The following FLVCR2 variants were observed in gnomAD, a reference collection of about 807,000 sequenced individuals.
FLVCR2 encodes the protein FLVCR choline and putative heme transporter 2.
FLVCR2 carries 38 observed loss-of-function variants against 48.9 expected under a neutral mutation model. The observed-to-expected ratio is 0.78, with a 90% CI of 0.60 to 1.02. The LOEUF is 1.02. Ranked by LOEUF, FLVCR2 falls within the 50% of genes least tolerant of loss-of-function variation. The pLI is 0.00. For synonymous variants in FLVCR2, 255 were observed against 257.0 expected (o/e 0.99, Z 0.07); for missense variants, 664 against 663.3 (o/e 1.00, Z -0.01).
chr14:75,605,160 C>T (rs192365328), intron 1 of FLVCR2, among the ~76,000 whole-genome samples: 1 of 152,142 alleles, frequency 6.6e-6, no homozygotes, highest in Non-Finnish European at 1.5e-5. Context: ...ACTTGAACTC[C>T]CCCCAAGCCT....
chr14:75,637,469 G>A (rs1890193023), intron 5 of FLVCR2, among the ~76,000 whole-genome samples: 1 of 152,130 alleles, frequency 6.6e-6, no homozygotes, highest in Admixed American at 6.5e-5. Flanking sequence ...GCTCACGCCT[G>A]TAATCCCAGC....
intron 1 of FLVCR2, among the ~76,000 whole-genome samples, chr14:75,609,413 G>A (rs1418567974): frequency 1.3e-5 from 2 of 152,194 alleles, no homozygotes; most frequent in African/African-American, 2.4e-5. Context: ...TAATGGTGCT[G>A]CAATCTCTCT....
At chr14:75,580,261 C>G (rs1888561831) in intron 1 of FLVCR2, among the ~76,000 whole-genome samples, 1 of 152,200 alleles carries the variant, frequency 6.6e-6, no homozygotes. Context: ...ATGTCTTAAT[C>G]TTTTTCTCTT....
rs941952147 is a variant in FLVCR2 at position 75,587,258 on chromosome 14, A to C, written c.669+7617A>C. ...TACTGAGTAGTAAAAGAGAAATTTA[A>C]ACCCAGTTCTACCTTCAAAGCCACT... On this transcript the variant is annotated intron_variant, in intron 1 of 9. Coordinates refer to ENST00000238667, the MANE Select transcript of FLVCR2 (RefSeq NM_017791.3). Among the ~76,000 whole-genome samples the C allele has an allele frequency of 7.2e-5, 11 of 152,248 alleles. No individual in the cohort carries two copies. In the East Asian group the frequency reaches 2.1e-3, roughly 29 times the overall value.
intron 1 of FLVCR2, among the ~76,000 whole-genome samples, chr14:75,608,737 T>C (rs1889362002): frequency 6.6e-6 from 1 of 152,192 alleles, no homozygotes; most frequent in Admixed American, 6.5e-5. Context: ...CAAGCTTCTC[T>C]CTCCAGAATT....
intron 1 of FLVCR2, among the ~76,000 whole-genome samples, chr14:75,597,042 G>T (rs1889040426): frequency 6.6e-6 from 1 of 152,116 alleles, no homozygotes; most frequent in South Asian, 2.1e-4. Flanking sequence ...AGCACTTTGG[G>T]AGGCTGAGGC....
intron 3 of FLVCR2, among the ~76,000 whole-genome samples, chr14:75,626,551 A>G (rs1022686542): frequency 6.6e-6 from 1 of 151,880 alleles, no homozygotes; most frequent in South Asian, 2.1e-4. Flanking sequence ...CATTTCCTCC[A>G]GTTTCTCAAT....
At chr14:75,632,626 A>G (rs780564190) in intron 3 of FLVCR2, 3 of 702,324 alleles carry the variant, frequency 4.3e-6, no homozygotes, top group Non-Finnish European at 7.8e-6. Context: ...GGTTCCATTG[A>G]AGAGGAACTC....
intron 1 of FLVCR2, among the ~76,000 whole-genome samples, chr14:75,602,070 T>C (rs879740148): frequency 6.6e-6 from 1 of 152,196 alleles, no homozygotes. Flanking sequence ...AACAGCCAAA[T>C]GGAAGAGATG....
At chr14:75,634,801 C>A (rs1890125672) in intron 4 of FLVCR2, 109 bp from the exon 5 acceptor site, 2 of 734,804 alleles carry the variant, frequency 2.7e-6, no homozygotes, top group Non-Finnish European at 4.9e-6. Flanking sequence ...AATATTGACT[C>A]TGATGGAGCT....
chr14:75,614,864 A>T (rs1594803561), intron 1 of FLVCR2, among the ~76,000 whole-genome samples: 1 of 152,324 alleles, frequency 6.6e-6, no homozygotes, highest in Admixed American at 6.5e-5. Flanking sequence ...TGAAGGAGGA[A>T]CTGTCAAACA....
intron 3 of FLVCR2, among the ~76,000 whole-genome samples, chr14:75,625,438 T>C (rs1392994281): frequency 6.6e-6 from 1 of 151,994 alleles, no homozygotes; most frequent in Non-Finnish European, 1.5e-5. Context: ...AAACCTGTAA[T>C]AAGATTGTTG....
chr14:75,625,443 T>C (rs1460198879), intron 3 of FLVCR2, among the ~76,000 whole-genome samples: 1 of 151,934 alleles, frequency 6.6e-6, no homozygotes, highest in African/African-American at 2.4e-5. Flanking sequence ...TGTAATAAGA[T>C]TGTTGGATCG....
intron 1 of FLVCR2, among the ~76,000 whole-genome samples, chr14:75,606,398 T>C (rs564320717): frequency 6.6e-6 from 1 of 152,332 alleles, no homozygotes; most frequent in South Asian, 2.1e-4. Flanking sequence ...TTGAGCAATC[T>C]AGGCCTCCTT....
intron 1 of FLVCR2, among the ~76,000 whole-genome samples, chr14:75,594,647 A>T (rs553303596): frequency 1.1e-4 from 16 of 152,264 alleles, no homozygotes; most frequent in African/African-American, 3.9e-4. Flanking sequence ...AAAGAATAAG[A>T]GAGGACAAAC....
intron 3 of FLVCR2, chr14:75,631,900 A>T: frequency 2.2e-6 from 1 of 454,244 alleles, no homozygotes; most frequent in South Asian, 1.6e-5. Context: ...CATTGCAACC[A>T]TCAGCCTGTC....
chr14:75,597,813 G>A (rs992601789), intron 1 of FLVCR2, among the ~76,000 whole-genome samples: 3 of 151,940 alleles, frequency 2.0e-5, no homozygotes, highest in South Asian at 2.1e-4. Context: ...CAGGTGATCC[G>A]CCCATCTCAG....
chr14:75,635,051 C>G (rs772430693), intron 5 of FLVCR2, 38 bp downstream of exon 5: 5 of 1,350,350 alleles, frequency 3.7e-6, no homozygotes, highest in South Asian at 1.2e-5. Flanking sequence ...AATTGGGGAC[C>G]TGTTTTTTGA....
chr14:75,613,467 A>G (rs569114899), intron 1 of FLVCR2, among the ~76,000 whole-genome samples: 65 of 152,204 alleles, frequency 4.3e-4, no homozygotes, highest in Non-Finnish European at 6.9e-4. Context: ...TTCATGAGAA[A>G]TCTGCCCCCC....
Sources: allele counts gnomAD v4.1 joint callset (sites outside exome capture counted in the v4.1 genomes callset), GRCh38; gene constraint gnomAD v4.1.1; transcripts MANE v1.5; gene names NCBI Gene and HGNC (gene_info 2026-07-23, HGNC 2026-07-21).